The following KIF1A variants were observed in gnomAD, a reference collection of about 807,000 sequenced individuals.
KIF1A encodes kinesin-like protein KIF1A.
In KIF1A, 46 loss-of-function variants were observed where a neutral mutation model predicts 227.3. The ratio of observed to expected loss-of-function variants is 0.20; its 90% CI spans 0.16 to 0.26. The LOEUF (loss-of-function observed/expected upper bound fraction) is 0.26. KIF1A is among the 10% of genes least tolerant of loss of function. KIF1A has a pLI of 1.00. For missense variants in KIF1A, 1,683 were observed against 2,485.9 expected (o/e 0.68, Z 6.87); for synonymous variants, 1,022 against 1,012.8 (o/e 1.01, Z -0.17).
At chr2:240,765,442 C>T (rs2125917179) in intron 20 of KIF1A, among the ~76,000 whole-genome samples, 1 of 152,370 alleles carries the variant, frequency 6.6e-6, no homozygotes, top group East Asian at 1.9e-4. Context: ...CACACCCTGG[C>T]TCCTCACTCA....
chr2:240,773,432 G>A (rs533431425), intron 12 of KIF1A, among the ~76,000 whole-genome samples, 176 bp from the exon 13 acceptor site: 3 of 152,300 alleles, frequency 2.0e-5, no homozygotes, highest in African/African-American at 7.2e-5. Context: ...ATGGCAAGTC[G>A]CTGGGGAGGG....
At chr2:240,796,407 C>T (rs1022972156) in intron 2 of KIF1A, among the ~76,000 whole-genome samples, 1 of 152,148 alleles carries the variant, frequency 6.6e-6, no homozygotes, top group Non-Finnish European at 1.5e-5. Flanking sequence ...CCACGGGCCC[C>T]GGCAAGGCCA....
chr2:240,747,336 G>A lies in KIF1A; in HGVS notation c.2978-15C>T. 1.2e-6 allele frequency: 2 copies of A among 1,609,224 alleles called. No individual in the cohort carries two copies. Among genetic ancestry groups the A allele is most frequent in the Non-Finnish European group, 1.7e-6 (2 of 1,176,374 alleles). ...CTCTTCATCGGCTGCAGGAGAAACA[G>A]AGCAAATGGTTGGAGCCCAGCTTGT... On this transcript the variant is annotated splice_polypyrimidine_tract_variant and intron_variant, in intron 28 of 48. Coordinates refer to ENST00000498729, the MANE Select transcript of KIF1A (RefSeq NM_001244008.2).
intron 6 of KIF1A, among the ~76,000 whole-genome samples, chr2:240,785,361 C>G (rs80235021): frequency 0.014 from 2,139 of 152,340 alleles, 50 homozygotes; most frequent in African/African-American, 0.049. Context: ...GCTTCCCACT[C>G]CTGGGCACAG....
At position 240,778,488 on chromosome 2, in the gene KIF1A, C is replaced by G. The variant is rs377761554; in HGVS notation, c.883-2562G>C. 7.3e-6 allele frequency among the ~76,000 whole-genome samples: 1 copy of G among 137,728 alleles called. No individual in the cohort carries two copies. Among genetic ancestry groups the G allele is most frequent in the African/African-American group, 2.9e-5 (1 of 34,166 alleles). 90.4% of individuals were successfully genotyped at this position (137,728 alleles called of 152,430 possible). The stretch of plus-strand genomic sequence containing the variant: ...TCCATTTCTCAGAGCTCTCAGCAGG[C>G]GCTCGCAGCTCCCGCACAGCGTTAC... On this transcript the variant is annotated intron_variant, in intron 10 of 48. Coordinates refer to ENST00000498729, the MANE Select transcript of KIF1A (RefSeq NM_001244008.2). The surrounding 1 kb of genome is among the most constrained non-coding windows in gnomAD (Gnocchi z 7.2).
chr2:240,758,338 A>G lies in KIF1A; in HGVS notation c.2582+22T>C. On this transcript the variant is annotated intron_variant, in intron 26 of 48. Transcript: ENST00000498729. This position sits in a 1 kb window ranked among gnomAD's most constrained non-coding sequence, Gnocchi z 5.2. ...CTCTCTCTCAATCTCTCTCTCTGCCAAGGAAGGGAGGAGGCGCCCACCTGC... is the reference window on the plus strand; with the variant it reads ...CTCTCTCTCAATCTCTCTCTCTGCCGAGGAAGGGAGGAGGCGCCCACCTGC... 6.2e-7 allele frequency: 1 copy of G among 1,602,410 alleles called. No homozygotes were observed. Among genetic ancestry groups the G allele is most frequent in the Non-Finnish European group, 8.5e-7 (1 of 1,174,334 alleles).
chr2:240,788,855 C>T lies in KIF1A; in HGVS notation c.183+381G>A. The stretch of plus-strand genomic sequence containing the variant: ...GGTGGAAGACAGGGCTCAGTGTGGA[C>T]TGGATCGGGGAGGAGGGAAGGAGAA... On this transcript the variant is annotated intron_variant, in intron 3 of 48. Transcript: ENST00000498729. This position sits in a 1 kb window ranked among gnomAD's most constrained non-coding sequence, Gnocchi z 6.6. Among the ~76,000 whole-genome samples the T allele has an allele frequency of 6.6e-6, 1 of 152,070 alleles. No individual in the cohort carries two copies. Among genetic ancestry groups the T allele is most frequent in the Non-Finnish European group, 1.5e-5 (1 of 67,988 alleles).
At position 240,775,487 on chromosome 2, in the gene KIF1A, G is replaced by A. The variant is rs2052610077; in HGVS notation, c.958+364C>T. Among the ~76,000 whole-genome samples, 1 of 152,196 alleles carries A rather than the reference G, an allele frequency of 6.6e-6. No homozygotes were observed. Among genetic ancestry groups the A allele is most frequent in the African/African-American group, 2.4e-5 (1 of 41,436 alleles). On this transcript the variant is annotated intron_variant, in intron 11 of 48. Transcript: ENST00000498729. This position sits in a 1 kb window ranked among gnomAD's most constrained non-coding sequence, Gnocchi z 5.5. ...AGCCCCTCAAAATCCAGCAAGCAGA[G>A]CTCCCAGATCGCGTCCCAGGTCCCC...
chr2:240,787,671 A>C (rs1353983053), intron 4 of KIF1A, among the ~76,000 whole-genome samples: 1 of 152,188 alleles, frequency 6.6e-6, no homozygotes, highest in Non-Finnish European at 1.5e-5. Context: ...GGGTTCCTGC[A>C]GCAAATGAGG....
intron 20 of KIF1A, among the ~76,000 whole-genome samples, chr2:240,765,318 G>A (rs2051035054): frequency 6.6e-6 from 1 of 152,252 alleles, no homozygotes; most frequent in Non-Finnish European, 1.5e-5. Flanking sequence ...CCACCCCACT[G>A]AGCTCCACAA....
Position 240,769,691 on chromosome 2 carries a change from T to C in KIF1A, c.1357A>G (p.Ile453Val). Residue 453 changes from isoleucine to valine, a missense_variant, in exon 16 of 49, where the codon ATA becomes GTA. Ile to Val is a conservative substitution (Grantham distance 29). Coordinates refer to ENST00000498729, the MANE Select transcript of KIF1A (RefSeq NM_001244008.2). The part of the protein sequence containing the change: ...IERLKETEKI[I>V]AELNETWEEK... ...TCCCAGGTCTCATTGAGCTCAGCTA[T>C]GATCTTCTCTGTTTCCTGGGGATTG... 1 of 1,613,514 alleles carries C rather than the reference T, an allele frequency of 6.2e-7. No individual in the cohort carries two copies. The highest frequency in any genetic ancestry group is 8.5e-7 in the Non-Finnish European group (1 of 1,179,738).
intron 44 of KIF1A, 143 bp from the exon 45 acceptor site, chr2:240,721,181 T>C: frequency 8.8e-7 from 1 of 1,141,514 alleles, no homozygotes; most frequent in East Asian, 2.7e-5. Flanking sequence ...GGCTCAAAGT[T>C]GGCCAGCTCA....
intron 28 of KIF1A, chr2:240,748,712 C>G (rs771525413): frequency 1.4e-5 from 4 of 290,800 alleles, no homozygotes; most frequent in South Asian, 1.2e-4. Context: ...ACCCTCACTC[C>G]CCAGCTGGGC....
intron 6 of KIF1A, 49 bp from the exon 7 acceptor site, chr2:240,785,149 T>A (rs778193064): frequency 6.7e-7 from 1 of 1,489,558 alleles, no homozygotes; most frequent in Non-Finnish European, 9.3e-7. Context: ...TGTGGCCGGG[T>A]GCGAGATCGC....
chr2:240,783,870 TC>T, intron 7 of KIF1A, 54 bp from the exon 8 acceptor site: 1 of 1,375,008 alleles, frequency 7.3e-7, no homozygotes, highest in South Asian at 1.2e-5. Context: ...CGCGGGGGCA[TC>T]CCAGGACCCC....
chr2:240,765,089 CTG>C (rs1491574465), intron 20 of KIF1A, among the ~76,000 whole-genome samples: 4 of 152,246 alleles, frequency 2.6e-5, no homozygotes, highest in African/African-American at 9.6e-5. Flanking sequence ...ACAGCCATGT[CTG>C]TGCATCAGGC....
chr2:240,750,351 G>A, intron 28 of KIF1A, 78 bp downstream of exon 28: 1 of 1,057,612 alleles, frequency 9.5e-7, no homozygotes, highest in East Asian at 2.5e-5. Flanking sequence ...CCCTTCTTGG[G>A]CCCACGCCTC....
At chr2:240,777,241 T>A (rs972698133) in intron 10 of KIF1A, among the ~76,000 whole-genome samples, 1 of 152,178 alleles carries the variant, frequency 6.6e-6, no homozygotes, top group African/African-American at 2.4e-5. Context: ...AGACAGGGTT[T>A]CACCACGTTG....
intron 38 of KIF1A, among the ~76,000 whole-genome samples, chr2:240,727,252 G>A (rs2046126152): frequency 6.6e-6 from 1 of 152,210 alleles, no homozygotes; most frequent in South Asian, 2.1e-4. Flanking sequence ...GAACAAGAAG[G>A]GCAGAGAGGG....
Sources: gnomAD v4.1 joint callset for allele counts (sites outside exome capture counted in the v4.1 genomes callset) on GRCh38, gnomAD v4.1.1 for gene constraint, Gnocchi (gnomAD v3.1) non-coding constraint, MANE v1.5 for transcripts, NCBI Gene and HGNC (gene_info 2026-07-23, HGNC 2026-07-21) for gene names.